Variants in SHROOM4 observed in about 807,000 individuals in gnomAD.
The protein encoded by SHROOM4 is protein Shroom4.
SHROOM4 carries 17 observed loss-of-function variants against 80.3 expected under a neutral mutation model. The observed-to-expected ratio is 0.21, with a 90% confidence interval of 0.14 to 0.32. The LOEUF is 0.32. Among genes scored for constraint, SHROOM4 ranks in the 10% least tolerant of loss-of-function variants. The pLI, the probability that SHROOM4 is intolerant of heterozygous loss-of-function variation, is 1.00. For missense variants in SHROOM4, 993 were observed against 1,140.3 expected (o/e 0.87, Z 1.86); for synonymous variants, 400 against 437.5 (o/e 0.91, Z 1.07).
At chrX:50,778,268 T>C (rs894535740) in intron 1 of SHROOM4, among the ~76,000 whole-genome samples, 2 of 112,512 alleles carry the variant, frequency 1.8e-5, no homozygotes, top group Non-Finnish European at 3.7e-5. Flanking sequence ...CAAGTTCCCA[T>C]ATAATCAGCT....
At chrX:50,578,454 T>C in the SHROOM4 span, among the ~76,000 whole-genome samples, 59 of 111,816 alleles carry the variant, frequency 5.3e-4, no homozygotes, top group African/African-American at 1.9e-3. Context: ...CTACGGTGCG[T>C]GCCACCACGC....
chrX:50,625,053 CA>C (rs1490786066), intron 5 of SHROOM4, among the ~76,000 whole-genome samples: 2 of 111,547 alleles, frequency 1.8e-5, no homozygotes, highest in African/African-American at 6.5e-5. Flanking sequence ...CTGGTATGCT[CA>C]TATATTGCTA....
chrX:50,637,887 C>A (rs1193926541), intron 3 of SHROOM4, among the ~76,000 whole-genome samples: 2 of 111,704 alleles, frequency 1.8e-5, no homozygotes, highest in Non-Finnish European at 3.8e-5. Flanking sequence ...AAAAGAGATA[C>A]GGAGAAAGAA....
chrX:50,622,639 T>G (rs1452284631), intron 5 of SHROOM4, among the ~76,000 whole-genome samples: 1 of 112,150 alleles, frequency 8.9e-6, no homozygotes, highest in African/African-American at 3.2e-5. Context: ...CCTACACTCA[T>G]CATTCCAGTT....
intron 1 of SHROOM4, among the ~76,000 whole-genome samples, chrX:50,741,177 T>C (rs973788169): frequency 3.6e-5 from 4 of 111,508 alleles, no homozygotes; most frequent in African/African-American, 9.8e-5. Context: ...TACCATGCTG[T>C]TTTGATTATA....
chrX:50,792,646 G>A (rs1405986917), intron 1 of SHROOM4, among the ~76,000 whole-genome samples: 1 of 110,187 alleles, frequency 9.1e-6, no homozygotes, highest in Non-Finnish European at 1.9e-5. Context: ...AGTTAAAAAT[G>A]GGCAAAGGAC....
In SHROOM4 at chrX:50,586,808, C is replaced by A. The variant is rs1394300242; in HGVS notation, c.*9887G>T. 8.9e-6 allele frequency among the ~76,000 whole-genome samples: 1 copy of A among 112,022 alleles called. No homozygotes were observed. The highest frequency in any genetic ancestry group is 3.2e-5 in the African/African-American group (1 of 30,847). ...TGGAGAAAATATCTTTGGTGAAAATCTTTTATTGTATATATTTAAGGTGTA... is the reference window on the plus strand; with the variant it reads ...TGGAGAAAATATCTTTGGTGAAAATATTTTATTGTATATATTTAAGGTGTA... On this transcript the variant is annotated 3_prime_UTR_variant, in exon 9 of 9. Coordinates refer to ENST00000376020, the MANE Select transcript of SHROOM4 (RefSeq NM_020717.5).
chrX:50,705,989 T>TACACACACACACACAC lies in SHROOM4; in HGVS notation c.118-10068_118-10053dup, dbSNP rs56363612. On this transcript the variant is annotated intron_variant, in intron 1 of 8. Coordinates refer to ENST00000376020, the MANE Select transcript of SHROOM4 (RefSeq NM_020717.5). ...TTATTTCCCACAACCTCTCATCCTC[T>TACACACACACACACAC]ACACACACACACACACACACACACA... 3.9e-4 allele frequency among the ~76,000 whole-genome samples: 29 copies of TACACACACACACACAC among 74,393 alleles called. 2 individuals carry two copies. The highest frequency in any genetic ancestry group is 1.3e-3 in the African/African-American group (27 of 21,036). 64.6% of individuals were successfully genotyped at this position (74,393 alleles called of 115,157 possible). A position where few individuals can be genotyped will look rare whatever the true frequency, so the allele number is the denominator to read the frequency against.
intron 2 of SHROOM4, among the ~76,000 whole-genome samples, chrX:50,650,939 AC>A (rs1238549679): frequency 1.8e-5 from 2 of 111,592 alleles, no homozygotes; most frequent in Non-Finnish European, 3.8e-5. Context: ...ACAGTTTTTT[AC>A]CCTTAATATT....
chrX:50,660,058 C>T (rs1240827778), intron 2 of SHROOM4, among the ~76,000 whole-genome samples: 1 of 112,090 alleles, frequency 8.9e-6, no homozygotes, highest in Non-Finnish European at 1.9e-5. Context: ...TACCTTTTTA[C>T]ATGTCTTCAC....
intron 2 of SHROOM4, among the ~76,000 whole-genome samples, chrX:50,642,173 A>C (rs1931627249): frequency 8.9e-6 from 1 of 112,462 alleles, no homozygotes; most frequent in African/African-American, 3.2e-5. Flanking sequence ...CTTGCATTCA[A>C]ACTGTAGTTG....
chrX:50,685,212 G>A (rs782396485), intron 2 of SHROOM4, among the ~76,000 whole-genome samples: 17 of 111,927 alleles, frequency 1.5e-4, no homozygotes, highest in Non-Finnish European at 3.0e-4. Flanking sequence ...GCTCAGAAAG[G>A]ACTTGGTGAC....
chrX:50,613,795 A>T (rs1930101594), intron 5 of SHROOM4, among the ~76,000 whole-genome samples: 1 of 112,303 alleles, frequency 8.9e-6, no homozygotes, highest in Admixed American at 9.5e-5. Context: ...TTGGAACATT[A>T]TTGTAAATTT....
chrX:50,804,934 C>T lies in SHROOM4; in HGVS notation c.117+8968G>A, dbSNP rs782078037. Among the ~76,000 whole-genome samples the T allele has an allele frequency of 2.7e-5, 3 of 110,488 alleles. No homozygotes were observed. In the South Asian group the frequency reaches 1.2e-3, roughly 43 times the overall value. On this transcript the variant is annotated intron_variant, in intron 1 of 8. Coordinates refer to ENST00000376020, the MANE Select transcript of SHROOM4 (RefSeq NM_020717.5). ...ATCGCCAATTTAAGTTAATACAGAGCTCCAAACTCTTGTCAAATCCTCTAC... is the reference window on the plus strand; with the variant it reads ...ATCGCCAATTTAAGTTAATACAGAGTTCCAAACTCTTGTCAAATCCTCTAC...
At chrX:50,632,531 A>G (rs1354148371) in intron 4 of SHROOM4, among the ~76,000 whole-genome samples, 2 of 112,087 alleles carry the variant, frequency 1.8e-5, no homozygotes, top group African/African-American at 6.5e-5. Flanking sequence ...ATATAAGAGC[A>G]GCCAGTTTAG....
At chrX:50,806,184 G>C (rs1602530001) in intron 1 of SHROOM4, among the ~76,000 whole-genome samples, 1 of 111,756 alleles carries the variant, frequency 8.9e-6, no homozygotes. Context: ...CATGAAAGAA[G>C]GACAGCCTAG....
intron 2 of SHROOM4, among the ~76,000 whole-genome samples, chrX:50,654,705 G>A (rs1210606538): frequency 3.6e-5 from 4 of 109,788 alleles, no homozygotes; most frequent in Non-Finnish European, 5.7e-5. Context: ...TGCCCCACCC[G>A]CCCCATTCCT....
chrX:50,806,133 AAC>A (rs782135846), intron 1 of SHROOM4, among the ~76,000 whole-genome samples: 55 of 111,864 alleles, frequency 4.9e-4, no homozygotes, highest in Non-Finnish European at 6.6e-4. Context: ...GGCCTCAAGC[AAC>A]TGGTGCTCTT....
intron 2 of SHROOM4, among the ~76,000 whole-genome samples, chrX:50,682,854 G>A (rs1164649402): frequency 1.8e-5 from 2 of 112,081 alleles, no homozygotes; most frequent in African/African-American, 6.5e-5. Flanking sequence ...GGGTGTGTCT[G>A]TGTGGGTGTT....
Sources: gnomAD v4.1 joint callset for allele counts (sites outside exome capture counted in the v4.1 genomes callset) on GRCh38, gnomAD v4.1.1 for gene constraint, MANE v1.5 for transcripts, NCBI Gene and HGNC (gene_info 2026-07-23, HGNC 2026-07-21) for gene names.